Variants in ROBO2 observed in about 807,000 individuals in gnomAD.
ROBO2 encodes the protein roundabout homolog 2.
Under a neutral mutation model 160.8 loss-of-function variants are expected in ROBO2, and 53 were observed. That is an observed-to-expected ratio of 0.33 (90% CI 0.26 to 0.41). ROBO2 has a LOEUF of 0.41. ROBO2 is among the 10% of genes least tolerant of loss of function. The pLI, the probability that ROBO2 is intolerant of heterozygous loss-of-function variation, is 1.00. For synonymous variants in ROBO2, 664 were observed against 611.7 expected, an observed-to-expected ratio of 1.09 and a Z score of -1.26; for missense variants, 1,577 against 1,722.4, an observed-to-expected ratio of 0.92 and a Z score of 1.49.
intron 2 of ROBO2, among the ~76,000 whole-genome samples, chr3:77,026,736 G>A (rs2062991198): frequency 6.6e-6 from 1 of 152,132 alleles, no homozygotes; most frequent in African/African-American, 2.4e-5. Flanking sequence ...GAAAAGCAAA[G>A]TATCTTTATG....
At chr3:76,934,955 AC>A (rs1432827584) in intron 2 of ROBO2, among the ~76,000 whole-genome samples, 3 of 94,226 alleles carry the variant, frequency 3.2e-5, no homozygotes, top group African/African-American at 1.4e-4. Flanking sequence ...TTCAGGCTTC[AC>A]AAATTTTTTT....
intron 2 of ROBO2, among the ~76,000 whole-genome samples, chr3:77,357,015 G>A (rs1188764755): frequency 6.6e-6 from 1 of 152,084 alleles, no homozygotes; most frequent in Non-Finnish European, 1.5e-5. Flanking sequence ...TTTGGAACAG[G>A]GTGCTACCGT....
chr3:76,290,427 A>T (rs982563854), intron 2 of ROBO2, among the ~76,000 whole-genome samples: 2 of 152,144 alleles, frequency 1.3e-5, no homozygotes, highest in Non-Finnish European at 2.9e-5. Flanking sequence ...GGCAGAGACT[A>T]TGGGATTTTC....
intron 2 of ROBO2, among the ~76,000 whole-genome samples, chr3:76,625,027 G>A (rs556722139): frequency 9.9e-5 from 15 of 151,684 alleles, no homozygotes; most frequent in Non-Finnish European, 1.9e-4. Flanking sequence ...ATCTTTTCCC[G>A]TCATAATCCA....
At chr3:76,201,551 T>C (rs949369605) in intron 2 of ROBO2, among the ~76,000 whole-genome samples, 1 of 152,176 alleles carries the variant, frequency 6.6e-6, no homozygotes, top group Non-Finnish European at 1.5e-5. Context: ...TTGTAAACAA[T>C]TGCCAGCAAA....
At chr3:77,603,591 G>A (rs73114594) in intron 20 of ROBO2, among the ~76,000 whole-genome samples, 14,715 of 152,100 alleles carry the variant, frequency 0.097, 929 homozygotes, top group Middle Eastern at 0.18. Context: ...TATAATCTTT[G>A]ATATTGCTAA....
intron 2 of ROBO2, among the ~76,000 whole-genome samples, chr3:76,857,856 C>G (rs1286387516): frequency 6.6e-6 from 1 of 152,158 alleles, no homozygotes; most frequent in Non-Finnish European, 1.5e-5. Context: ...CCCAGGCTAC[C>G]TCTTTAGCTT....
At chr3:77,038,725 C>T (rs762886482), upstream of ROBO2, among the ~76,000 whole-genome samples, 3 of 152,200 alleles carry the variant, frequency 2.0e-5, no homozygotes, top group South Asian at 2.1e-4. Flanking sequence ...GGGGCACCGC[C>T]GACACCGGCA....
At chr3:76,774,897 GGA>G (rs1336514064) in intron 2 of ROBO2, among the ~76,000 whole-genome samples, 1 of 149,614 alleles carries the variant, frequency 6.7e-6, no homozygotes, top group Non-Finnish European at 1.5e-5. Flanking sequence ...AAAATAGTTT[GGA>G]TGCAAAGCTG....
chr3:76,304,139 T>A (rs1358879116), intron 2 of ROBO2, among the ~76,000 whole-genome samples: 1 of 152,208 alleles, frequency 6.6e-6, no homozygotes, highest in Non-Finnish European at 1.5e-5. Flanking sequence ...TGTACATATA[T>A]TTTACCTTGG....
chr3:76,104,592 C>T (rs2069841494), intron 2 of ROBO2, among the ~76,000 whole-genome samples: 1 of 152,172 alleles, frequency 6.6e-6, no homozygotes, highest in Non-Finnish European at 1.5e-5. Flanking sequence ...CAATCAACAT[C>T]TTTCATGCTT....
At chr3:77,092,457 T>G (rs2070424337) in intron 1 of ROBO2, among the ~76,000 whole-genome samples, 1 of 151,512 alleles carries the variant, frequency 6.6e-6, no homozygotes, top group African/African-American at 2.4e-5. Context: ...CTTACTTTCT[T>G]GGACAGTAAA....
intron 2 of ROBO2, among the ~76,000 whole-genome samples, chr3:76,412,130 A>G (rs2075518808): frequency 6.6e-6 from 1 of 152,182 alleles, no homozygotes; most frequent in Non-Finnish European, 1.5e-5. Flanking sequence ...AAGAAGCAAA[A>G]GCAGAAACCA....
Position 76,503,068 on chromosome 3 carries a change from T to C in ROBO2, c.109+565466T>C, listed in dbSNP as rs573821633. On this transcript the variant is annotated intron_variant, in intron 2 of 26. Coordinates refer to the ROBO2 transcript ENST00000487694. ...CAAAGGGGAGTTATTAAGTATTAAC[T>C]TACATGATCACAAAGTCCCACAATA... is the stretch of plus-strand genomic sequence containing the variant. Among the ~76,000 whole-genome samples the C allele has an allele frequency of 1.3e-4, 20 of 151,938 alleles. No homozygotes were observed. The South Asian group carries it at 4.0e-3, about 30-fold the overall frequency.
chr3:76,653,771 A>T (rs928099082), intron 2 of ROBO2, among the ~76,000 whole-genome samples: 1 of 152,196 alleles, frequency 6.6e-6, no homozygotes, highest in Non-Finnish European at 1.5e-5. Flanking sequence ...AGTTATGCAA[A>T]GGGGCAGCAG....
intron 2 of ROBO2, among the ~76,000 whole-genome samples, chr3:76,771,765 GA>G (rs1310662343): frequency 1.3e-5 from 2 of 150,976 alleles, no homozygotes; most frequent in Admixed American, 1.3e-4. Flanking sequence ...AAACTCTGGG[GA>G]AAATACTATA....
intron 2 of ROBO2, among the ~76,000 whole-genome samples, chr3:77,360,794 C>A (rs2069859087): frequency 6.6e-6 from 1 of 152,092 alleles, no homozygotes; most frequent in Non-Finnish European, 1.5e-5. Flanking sequence ...CACATTTTCA[C>A]AACTTAATTC....
chr3:76,287,633 T>C (rs773355912), intron 2 of ROBO2, among the ~76,000 whole-genome samples: 6 of 152,178 alleles, frequency 3.9e-5, no homozygotes, highest in Non-Finnish European at 7.4e-5. Flanking sequence ...TTTTGGTGTT[T>C]TGCGTATTGG....
chr3:76,837,845 T>C (rs1198284103), intron 2 of ROBO2, among the ~76,000 whole-genome samples: 2 of 152,028 alleles, frequency 1.3e-5, no homozygotes, highest in Non-Finnish European at 2.9e-5. Context: ...CTAATTGTCC[T>C]AATAATACCT....
Sources: allele counts gnomAD v4.1 joint callset (sites outside exome capture counted in the v4.1 genomes callset), GRCh38; gene constraint gnomAD v4.1.1; transcripts MANE v1.5; gene names NCBI Gene and HGNC (gene_info 2026-07-23, HGNC 2026-07-21).